The following MYBPH variants were observed in gnomAD, a reference collection of about 807,000 sequenced individuals.
MYBPH encodes the protein myosin binding protein H.
In MYBPH, 49 loss-of-function variants were observed where a neutral mutation model predicts 53.6. The ratio of observed to expected loss-of-function variants is 0.91; its 90% CI spans 0.73 to 1.16. The LOEUF (loss-of-function observed/expected upper bound fraction) is 1.16. MYBPH is among the 50% of genes most tolerant of loss of function. The pLI, the probability that MYBPH is intolerant of heterozygous loss-of-function variation, is 0.00. For missense variants in MYBPH, 558 were observed against 624.1 expected, an observed-to-expected ratio of 0.89 and a Z score of 1.13; for synonymous variants, 239 against 249.6, an observed-to-expected ratio of 0.96 and a Z score of 0.40.
At chr1:203,178,718 A>C (rs17531168), upstream of MYBPH, among the ~76,000 whole-genome samples, 1,858 of 152,380 alleles carry the variant, frequency 0.012, 20 homozygotes, top group Non-Finnish European at 0.021. Context: ...TTGGAAGGCC[A>C]TCAGCCATGC....
At chr1:203,169,177 G>T in intron 8 of MYBPH, 76 bp downstream of exon 8, 1 of 1,577,580 alleles carries the variant, frequency 6.3e-7, no homozygotes, top group Non-Finnish European at 8.6e-7. Context: ...AGGTGTGGAC[G>T]CCCGGAGGAT....
Position 203,175,583 on chromosome 1 carries a change from G to C in MYBPH, c.173C>G (p.Ser58Cys). ...TGGGGGTGCAGGCTTAGTGGCTGTG[G>C]AGGCTGTAGGGGCCTGTGGGGCAGG... ...QAPAPQAPTA[S>C]TATKPAPPSE... The change falls in exon 1 of 11, where the codon TCC becomes TGC. Residue 58 changes from serine to cysteine, a missense_variant. Transcript: ENST00000255416. 1.9e-6 allele frequency: 3 copies of C among 1,613,812 alleles called. No individual in the cohort carries two copies. Among genetic ancestry groups the C allele is most frequent in the Non-Finnish European group, 2.5e-6 (3 of 1,179,992 alleles).
upstream of MYBPH, among the ~76,000 whole-genome samples, chr1:203,176,688 G>C (rs1655817223): frequency 6.6e-6 from 1 of 152,140 alleles, no homozygotes; most frequent in Non-Finnish European, 1.5e-5. Flanking sequence ...TCATTTGTTC[G>C]ATAAAATGTT....
At position 203,175,740 on chromosome 1, in the gene MYBPH, T is replaced by C; in HGVS notation, c.16A>G (p.Thr6Ala). Reference sequence around the variant, plus strand: ...GGACTGCAGGCAGGGCCCTCGGAGGTGTTTTTTTCCATCATTGCTGGACTG... The same window carrying C: ...GGACTGCAGGCAGGGCCCTCGGAGGCGTTTTTTTCCATCATTGCTGGACTG... MMEKN[T>A]SEGPACSPEE... Residue 6 changes from threonine to alanine, a missense_variant, in exon 1 of 11, where the codon ACC becomes GCC. Thr to Ala is a moderately conservative substitution (Grantham distance 58). Coordinates refer to ENST00000255416, the MANE Select transcript of MYBPH (RefSeq NM_004997.3). The C allele has an allele frequency of 6.2e-7, 1 of 1,613,536 alleles. No homozygotes were observed. Among genetic ancestry groups the C allele is most frequent in the Non-Finnish European group, 8.5e-7 (1 of 1,179,880 alleles).
Position 203,175,748 on chromosome 1 carries a change from T to G in MYBPH, c.8A>C (p.Glu3Ala), listed in dbSNP as rs748261629. 3.7e-6 allele frequency: 6 copies of G among 1,613,858 alleles called. No homozygotes were observed. The East Asian group carries it at 8.9e-5, about 24-fold the overall frequency. MMEKNTSEGPACS... is the reference protein window; with the variant it reads MMAKNTSEGPACS... Reference sequence around the variant, plus strand: ...GGCAGGGCCCTCGGAGGTGTTTTTTTCCATCATTGCTGGACTGGCTGGGGG... The same window carrying G: ...GGCAGGGCCCTCGGAGGTGTTTTTTGCCATCATTGCTGGACTGGCTGGGGG... Residue 3 changes from glutamate (E) to alanine (A), a missense_variant, in exon 1 of 11, where the codon GAA (glutamate) becomes GCA (alanine). By Grantham distance (107) the Glu-to-Ala change is moderately radical. Transcript: ENST00000255416.
At chr1:203,170,178 G>A in intron 7 of MYBPH, 113 bp downstream of exon 7, 2 of 1,333,646 alleles carry the variant, frequency 1.5e-6, no homozygotes, top group Non-Finnish European at 2.1e-6. Flanking sequence ...GAGACGGCAA[G>A]TGTTCCAGGG....
chr1:203,173,915 G>T (rs1571822610), intron 3 of MYBPH, among the ~76,000 whole-genome samples: 2 of 152,254 alleles, frequency 1.3e-5, no homozygotes, highest in African/African-American at 4.8e-5. Context: ...CGGGGCCCCA[G>T]TGAGGTATGC....
Position 203,171,667 on chromosome 1 carries a change from G to T in MYBPH, c.598-89C>A. 1.5e-6 allele frequency: 2 copies of T among 1,333,246 alleles called. No homozygotes were observed. The highest frequency in any genetic ancestry group is 2.0e-6 in the Non-Finnish European group (2 of 997,582). The allele number at this position is 1,333,246 out of a possible 1,614,324, so 82.6% of individuals were successfully genotyped here. A position where few individuals can be genotyped will look rare whatever the true frequency, so the allele number is the denominator to read the frequency against. On this transcript the variant is annotated intron_variant, in intron 4 of 10. Transcript: ENST00000255416. This position sits in a 1 kb window ranked among gnomAD's most constrained non-coding sequence, Gnocchi z 4.2. ...TCCAGGAGTCTCTGGAGCTGTTCTC[G>T]GGGAAGCCTGTCCCACTGGCCCTTC... is the stretch of plus-strand genomic sequence containing the variant.
At chr1:203,174,708 C>T in intron 2 of MYBPH, 111 bp from the exon 3 acceptor site, 1 of 1,178,086 alleles carries the variant, frequency 8.5e-7, no homozygotes, top group Non-Finnish European at 1.1e-6. Context: ...CCTCTCTGGG[C>T]CTCATTTTCC....
In MYBPH at chr1:203,168,902, T is replaced by C. The variant is rs1655639575; in HGVS notation, c.1417+4A>G. 1 of 1,613,654 alleles carries C rather than the reference T, an allele frequency of 6.2e-7. No homozygotes were observed. The highest frequency in any genetic ancestry group is 1.3e-5 in the African/African-American group (1 of 74,874). On this transcript the variant is annotated splice_donor_region_variant and intron_variant, in intron 9 of 10. Coordinates refer to ENST00000255416, the MANE Select transcript of MYBPH (RefSeq NM_004997.3). ...CTCCTGTTCTCCCGTCCTCAAACTC[T>C]CACCTTTGACCTCCAGCCGGCAGTC...
In MYBPH at chr1:203,171,390, C is replaced by G. The variant is rs746235832; in HGVS notation, c.786G>C (p.Leu262=). The change falls in exon 5 of 11, where the codon CTG becomes CTC. Residue 262 remains leucine, a synonymous_variant. Coordinates refer to ENST00000255416, the MANE Select transcript of MYBPH (RefSeq NM_004997.3). The surrounding 1 kb of genome is among the most constrained non-coding windows in gnomAD (Gnocchi z 4.2). The part of the protein sequence containing the change: ...DLEAKAVIDI[L]VIEKPGPPSS... The stretch of plus-strand genomic sequence containing the variant: ...GTTCCCCTGGCTCCATACCAATCAC[C>G]AGGATGTCAATGACTGCCTTGGCCT... The G allele has an allele frequency of 3.1e-6, 5 of 1,612,658 alleles. No individual in the cohort carries two copies. Among genetic ancestry groups the G allele is most frequent in the Non-Finnish European group, 4.2e-6 (5 of 1,179,266 alleles).
At chr1:203,179,163 C>A, upstream of MYBPH, 1 of 278,786 alleles carries the variant, frequency 3.6e-6, no homozygotes. Context: ...AATTCCCTTG[C>A]CAGGCTTGGG....
Position 203,175,372 on chromosome 1 carries a change from TC to T in MYBPH, c.294del (p.Arg99GlyfsTer22). 1 of 1,527,302 alleles carries T rather than the reference TC, an allele frequency of 6.5e-7. No individual in the cohort carries two copies. Among genetic ancestry groups the T allele is most frequent in the African/African-American group, 1.4e-5 (1 of 71,942 alleles). 94.6% of individuals were successfully genotyped at this position (1,527,302 alleles called of 1,614,324 possible). A position where few individuals can be genotyped will look rare whatever the true frequency, so the allele number is the denominator to read the frequency against. The part of the protein sequence containing the change: ...TVSWEPPERL[G>X]RLGLQGYVLE... ...AGCACATAGCCCTGGAGGCCCAGCC[TC>T]CCCAGCCTCTCTGGGGGCTCCCAGC... On this transcript the variant is annotated frameshift_variant, in exon 2 of 11. Transcript: ENST00000255416. LOFTEE classifies it high-confidence loss of function.
intron 3 of MYBPH, among the ~76,000 whole-genome samples, chr1:203,173,815 C>G (rs183508165): frequency 6.6e-6 from 1 of 152,348 alleles, no homozygotes; most frequent in Non-Finnish European, 1.5e-5. Context: ...GACTGAAACC[C>G]GATCAGCTCC....
chr1:203,176,774 T>C (rs1655818641), upstream of MYBPH, among the ~76,000 whole-genome samples: 1 of 152,172 alleles, frequency 6.6e-6, no homozygotes, highest in South Asian at 2.1e-4. Flanking sequence ...CTTTTATTGC[T>C]GGTATTGGAG....
At chr1:203,169,995 C>T (rs747494496) in intron 7 of MYBPH, among the ~76,000 whole-genome samples, 5 of 152,340 alleles carry the variant, frequency 3.3e-5, no homozygotes, top group South Asian at 2.1e-4. Flanking sequence ...GCCTGAGACT[C>T]GGCGGCTGCT....
rs1161055362 is a variant in MYBPH, at chr1:203,167,864, C to G, written c.*260G>C. On this transcript the variant is annotated 3_prime_UTR_variant, in exon 11 of 11. Coordinates refer to ENST00000255416, the MANE Select transcript of MYBPH (RefSeq NM_004997.3). ...AGTGCTTCCCACCCAGAGTGCAACTCCGCAGGGCACTCCAATCTCTGCGCC... is the reference window on the plus strand; with the variant it reads ...AGTGCTTCCCACCCAGAGTGCAACTGCGCAGGGCACTCCAATCTCTGCGCC... 1.4e-4 allele frequency: 21 copies of G among 152,982 alleles called. No individual in the cohort carries two copies. The highest frequency in any genetic ancestry group is 1.4e-3 in the Admixed American group (21 of 15,422). 9.5% of individuals were successfully genotyped at this position (152,982 alleles called of 1,614,324 possible). A position where few individuals can be genotyped will look rare whatever the true frequency, so the allele number is the denominator to read the frequency against.
chr1:203,172,894 A>G (rs1655726997), intron 3 of MYBPH, among the ~76,000 whole-genome samples: 1 of 152,142 alleles, frequency 6.6e-6, no homozygotes, highest in African/African-American at 2.4e-5. Context: ...GTGAGAAGGA[A>G]CACGGTGTCT....
At chr1:203,168,723 G>A in intron 9 of MYBPH, 48 bp from the exon 10 acceptor site, 2 of 1,585,690 alleles carry the variant, frequency 1.3e-6, no homozygotes, top group South Asian at 2.3e-5. Context: ...GCGGGGAACT[G>A]GAAAGTTCAC....
Sources: allele counts gnomAD v4.1 joint callset (sites outside exome capture counted in the v4.1 genomes callset), GRCh38; gene constraint gnomAD v4.1.1; non-coding constraint Gnocchi (gnomAD v3.1); transcripts MANE v1.5; gene names NCBI Gene and HGNC (gene_info 2026-07-23, HGNC 2026-07-21).